Variants in MED13L observed in about 807,000 individuals in gnomAD.
MED13L encodes the protein mediator of RNA polymerase II transcription subunit 13-like.
Under a neutral mutation model 220.9 loss-of-function variants are expected in MED13L, and 7 were observed. The ratio of observed to expected loss-of-function variants is 0.03; its 90% CI spans 0.02 to 0.06. MED13L has a LOEUF of 0.06. Among genes scored for constraint, MED13L ranks in the 10% least tolerant of loss-of-function variants. The pLI is 1.00. For synonymous variants in MED13L, 1,011 were observed against 1,015.2 expected (o/e 1.00, Z 0.08); for missense variants, 1,965 against 2,760.5 (o/e 0.71, Z 6.46).
Position 116,019,986 on chromosome 12 carries a change from G to C in MED13L, c.626-14C>G. Reference sequence around the variant, plus strand: ...GACTTACCAGTACTATGGAGGGGAGGAGAAATACATGCTAAACATTAGAGA... The same window carrying C: ...GACTTACCAGTACTATGGAGGGGAGCAGAAATACATGCTAAACATTAGAGA... On this transcript the variant is annotated splice_polypyrimidine_tract_variant and intron_variant, in intron 5 of 30. Coordinates refer to ENST00000281928, the MANE Select transcript of MED13L (RefSeq NM_015335.5). 2 of 1,604,820 alleles carry C rather than the reference G, an allele frequency of 1.2e-6. No homozygotes were observed. Among genetic ancestry groups the C allele is most frequent in the Non-Finnish European group, 1.7e-6 (2 of 1,171,876 alleles).
At chr12:115,971,837 T>C (rs901007738) in intron 26 of MED13L, among the ~76,000 whole-genome samples, 16 of 152,210 alleles carry the variant, frequency 1.1e-4, no homozygotes, top group African/African-American at 3.6e-4. Context: ...GCCATGACTC[T>C]ATGAGATCTC....
At chr12:116,120,495 A>T (rs1422376725) in intron 2 of MED13L, among the ~76,000 whole-genome samples, 2 of 145,790 alleles carry the variant, frequency 1.4e-5, no homozygotes, top group African/African-American at 5.1e-5. Flanking sequence ...ACACACACAC[A>T]CACACACACA....
intron 2 of MED13L, among the ~76,000 whole-genome samples, chr12:116,127,228 T>C (rs1482717646): frequency 6.6e-6 from 1 of 152,208 alleles, no homozygotes; most frequent in Non-Finnish European, 1.5e-5. Flanking sequence ...GGGAGCTATA[T>C]TAGATCTGTT....
chr12:116,048,704 G>C (rs1338686442), intron 4 of MED13L, among the ~76,000 whole-genome samples: 1 of 151,864 alleles, frequency 6.6e-6, no homozygotes, highest in Non-Finnish European at 1.5e-5. Context: ...GTTAAGGGCA[G>C]AAAAATTGAC....
In MED13L at chr12:115,961,154, T is replaced by G; in HGVS notation, c.*112A>C. 3 of 1,372,144 alleles carry G rather than the reference T, an allele frequency of 2.2e-6. No individual in the cohort carries two copies. Among genetic ancestry groups the G allele is most frequent in the Non-Finnish European group, 3.1e-6 (3 of 967,804 alleles). 85.0% of individuals were successfully genotyped at this position (1,372,144 alleles called of 1,614,324 possible). A position where few individuals can be genotyped will look rare whatever the true frequency, so the allele number is the denominator to read the frequency against. On this transcript the variant is annotated 3_prime_UTR_variant, in exon 31 of 31. Transcript: ENST00000281928. ...GAGAAGGAATCACAGTGCAGGACTGTGGAGAGTGGTCTGAAGAAAAGGATG... is the reference window on the plus strand; with the variant it reads ...GAGAAGGAATCACAGTGCAGGACTGGGGAGAGTGGTCTGAAGAAAAGGATG...
At position 116,015,211 on chromosome 12, in the gene MED13L, G is replaced by A. The variant is rs139163900; in HGVS notation, c.1073C>T (p.Thr358Met). Reference protein sequence around the residue: ...HLVSQDGGMITMHSPKRSGKI... With the variant: ...HLVSQDGGMIMMHSPKRSGKI... ...CCCCGATCTCTTTGGACTGTGCATC[G>A]TTATCATCCCTCCATCTTGGGAAAC... Residue 358 changes from threonine (T) to methionine (M), a missense_variant, in exon 8 of 31, where the codon ACG (threonine) becomes ATG (methionine). This residue lies in a region of MED13L where 818 missense variants were observed against 1,041.2 expected (regional missense o/e 0.79). Coordinates refer to ENST00000281928, the MANE Select transcript of MED13L (RefSeq NM_015335.5). 31 of 1,613,644 alleles carry A rather than the reference G, an allele frequency of 1.9e-5. No individual in the cohort carries two copies. Among genetic ancestry groups the A allele is most frequent in the South Asian group, 5.5e-5 (5 of 91,088 alleles).
At chr12:115,969,814 G>T (rs746925007) in intron 27 of MED13L, among the ~76,000 whole-genome samples, 1 of 152,074 alleles carries the variant, frequency 6.6e-6, no homozygotes, top group Non-Finnish European at 1.5e-5. Flanking sequence ...ATAAGCCACC[G>T]TGCCTGGCCC....
chr12:116,006,446 A>G, intron 11 of MED13L, 35 bp from the exon 12 acceptor site: 1 of 1,514,008 alleles, frequency 6.6e-7, no homozygotes, highest in Non-Finnish European at 9.2e-7. Context: ...AAACACATGA[A>G]CACCAACCCA....
intron 4 of MED13L, among the ~76,000 whole-genome samples, chr12:116,080,292 T>C (rs193189660): frequency 3.9e-5 from 6 of 152,120 alleles, no homozygotes; most frequent in African/African-American, 9.7e-5. Flanking sequence ...ACTAACACCA[T>C]CCAGCATGCA....
chr12:116,247,754 T>A (rs1258887110), intron 1 of MED13L, among the ~76,000 whole-genome samples: 3 of 152,252 alleles, frequency 2.0e-5, no homozygotes, highest in Admixed American at 6.5e-5. Context: ...AAGTGTCATT[T>A]TCTTTTCACT....
chr12:116,111,417 C>T lies in MED13L; in HGVS notation c.395+11G>A, dbSNP rs760495432. The T allele has an allele frequency of 3.1e-6, 5 of 1,609,350 alleles. No homozygotes were observed. Among genetic ancestry groups the T allele is most frequent in the Non-Finnish European group, 3.4e-6 (4 of 1,176,572 alleles). On this transcript the variant is annotated intron_variant, in intron 3 of 30. Coordinates refer to ENST00000281928, the MANE Select transcript of MED13L (RefSeq NM_015335.5). The stretch of plus-strand genomic sequence containing the variant: ...TGTCTGCAAACCACTGTCTGCTGTT[C>T]CTTCTCTTACCTTTCTAACAGATTG...
At chr12:116,076,312 G>A (rs990652419) in intron 4 of MED13L, among the ~76,000 whole-genome samples, 1 of 152,132 alleles carries the variant, frequency 6.6e-6, no homozygotes, top group Non-Finnish European at 1.5e-5. Flanking sequence ...TGATAACAGA[G>A]GACTGCTTGA....
intron 21 of MED13L, 128 bp from the exon 22 acceptor site, chr12:115,982,731 AC>A: frequency 1.1e-6 from 1 of 906,204 alleles, no homozygotes; most frequent in Non-Finnish European, 1.7e-6. Context: ...GGTAAGAGTA[AC>A]ATTTATCACC....
chr12:115,989,240 C>T (rs1249617157), intron 17 of MED13L, among the ~76,000 whole-genome samples: 1 of 152,170 alleles, frequency 6.6e-6, no homozygotes, highest in African/African-American at 2.4e-5. Flanking sequence ...GCCTCTGCTC[C>T]CACCACTCTA....
intron 4 of MED13L, among the ~76,000 whole-genome samples, chr12:116,029,346 G>C (rs1880588916): frequency 6.6e-6 from 1 of 150,666 alleles, no homozygotes; most frequent in African/African-American, 2.4e-5. Context: ...AAACTTATAA[G>C]TGCAAAGGTA....
intron 4 of MED13L, among the ~76,000 whole-genome samples, chr12:116,028,664 GC>G (rs1173751401): frequency 6.6e-6 from 1 of 152,034 alleles, no homozygotes; most frequent in African/African-American, 2.4e-5. Context: ...ACTGCTATAG[GC>G]CAGAAGATAC....
At chr12:116,116,452 C>G (rs888881914) in intron 2 of MED13L, among the ~76,000 whole-genome samples, 1 of 152,058 alleles carries the variant, frequency 6.6e-6, no homozygotes, top group Non-Finnish European at 1.5e-5. Flanking sequence ...AGCTCCTGCC[C>G]CTCTCTACAT....
At chr12:116,050,835 AG>A in intron 4 of MED13L, among the ~76,000 whole-genome samples, 1 of 152,268 alleles carries the variant, frequency 6.6e-6, no homozygotes, top group East Asian at 1.9e-4. Context: ...GCTGTTCAGG[AG>A]GCTGAGGTAG....
At chr12:116,171,253 A>T (rs184015726) in intron 2 of MED13L, among the ~76,000 whole-genome samples, 5 of 152,326 alleles carry the variant, frequency 3.3e-5, no homozygotes, top group African/African-American at 1.2e-4. Context: ...AAATCTGCCC[A>T]CTGGAAAGTG....
Sources: gnomAD v4.1 joint callset for allele counts (sites outside exome capture counted in the v4.1 genomes callset) on GRCh38, gnomAD v4.1.1 for gene constraint, gnomAD v4.1.1 regional missense constraint, MANE v1.5 for transcripts, NCBI Gene and HGNC (gene_info 2026-07-23, HGNC 2026-07-21) for gene names.